PDE1A: variants seen among roughly 807,000 people sequenced by gnomAD.
PDE1A encodes dual specificity calcium/calmodulin-dependent 3',5'-cyclic nucleotide phosphodiesterase 1A.
A neutral mutation model predicts 61.7 loss-of-function variants in PDE1A; 35 were observed. That is an observed-to-expected ratio of 0.57 (90% CI 0.43 to 0.75). PDE1A has a LOEUF of 0.75. Ranked by LOEUF, PDE1A falls within the 30% of genes least tolerant of loss-of-function variation. The probability of loss-of-function intolerance (pLI) is 0.00; values close to 1 mark genes in which losing one functional copy is unlikely to be tolerated. For synonymous variants in PDE1A, 232 were observed against 213.2 expected, an observed-to-expected ratio of 1.09 and a Z score of -0.77; for missense variants, 597 against 630.6, an observed-to-expected ratio of 0.95 and a Z score of 0.57.
intron 7 of PDE1A, among the ~76,000 whole-genome samples, chr2:182,217,851 T>G (rs1474118306): frequency 5.9e-5 from 9 of 151,908 alleles, no homozygotes; most frequent in Middle Eastern, 3.4e-3. Flanking sequence ...CATTGTGGAA[T>G]TCAGTGTGGA....
chr2:182,321,845 T>G (rs772525138), intron 1 of PDE1A, among the ~76,000 whole-genome samples: 2 of 152,118 alleles, frequency 1.3e-5, no homozygotes, highest in African/African-American at 4.8e-5. Context: ...AGCTTCCACG[T>G]AAGATTTTTA....
the PDE1A span, among the ~76,000 whole-genome samples, chr2:182,543,420 A>T: frequency 2.6e-5 from 4 of 152,302 alleles, no homozygotes; most frequent in African/African-American, 9.6e-5. Context: ...GATAAACCAG[A>T]TTACAAGATT....
chr2:182,353,415 G>A (rs377478366), intron 1 of PDE1A, among the ~76,000 whole-genome samples: 5 of 152,064 alleles, frequency 3.3e-5, no homozygotes, highest in Non-Finnish European at 7.4e-5. Context: ...CTATTCTGAG[G>A]TATAAACAAA....
chr2:182,655,701 G>A, the PDE1A span, among the ~76,000 whole-genome samples: 1 of 152,162 alleles, frequency 6.6e-6, no homozygotes, highest in Non-Finnish European at 1.5e-5. Flanking sequence ...GCAAGGAGAG[G>A]ATACTCTCCT....
chr2:182,471,647 T>C (rs1687035403), intron 2 of PDE1A, among the ~76,000 whole-genome samples: 1 of 151,958 alleles, frequency 6.6e-6, no homozygotes, highest in Middle Eastern at 3.4e-3. Context: ...CCTTCTTTTT[T>C]AAGAATTTTT....
At chr2:182,416,302 C>T (rs1044099101) in intron 1 of PDE1A, among the ~76,000 whole-genome samples, 1 of 152,092 alleles carries the variant, frequency 6.6e-6, no homozygotes, top group Admixed American at 6.6e-5. Context: ...CAGGATGAAG[C>T]AAGGGAAAAG....
intron 1 of PDE1A, among the ~76,000 whole-genome samples, chr2:182,272,803 G>A (rs1693128248): frequency 6.6e-6 from 1 of 152,068 alleles, no homozygotes; most frequent in Non-Finnish European, 1.5e-5. Context: ...ATATATGTAT[G>A]AAAAAATACA....
At chr2:182,298,346 CT>C (rs913119620) in intron 1 of PDE1A, among the ~76,000 whole-genome samples, 23 of 152,160 alleles carry the variant, frequency 1.5e-4, no homozygotes, top group African/African-American at 5.6e-4. Context: ...CAAAAAGTCT[CT>C]GTGGCTGTAT....
intron 1 of PDE1A, among the ~76,000 whole-genome samples, chr2:182,305,345 G>T (rs1021150362): frequency 4.0e-5 from 6 of 151,360 alleles, no homozygotes; most frequent in Admixed American, 3.9e-4. Context: ...TCTTTAAAGG[G>T]CCAAATACAG....
chr2:182,433,822 C>T (rs1194827231), intron 2 of PDE1A, among the ~76,000 whole-genome samples: 1 of 152,058 alleles, frequency 6.6e-6, no homozygotes, highest in East Asian at 1.9e-4. Flanking sequence ...CCTGTGCTGG[C>T]ATTTTGTGCC....
chr2:182,593,244 T>A, the PDE1A span, among the ~76,000 whole-genome samples: 1 of 152,316 alleles, frequency 6.6e-6, no homozygotes, highest in East Asian at 1.9e-4. Flanking sequence ...AGGTTAGCTC[T>A]TTTTGACTTC....
intron 10 of PDE1A, among the ~76,000 whole-genome samples, chr2:182,196,998 G>C (rs998359471): frequency 5.9e-5 from 9 of 151,718 alleles, no homozygotes; most frequent in East Asian, 1.9e-4. Flanking sequence ...ATGATATCCA[G>C]TAGTTTTCCA....
At chr2:182,298,493 G>A (rs993758554) in intron 1 of PDE1A, among the ~76,000 whole-genome samples, 4 of 152,140 alleles carry the variant, frequency 2.6e-5, no homozygotes, top group Non-Finnish European at 4.4e-5. Context: ...GTGGGATGGG[G>A]ACAATGCGGG....
At chr2:182,174,839 C>A (rs1311870911) in intron 13 of PDE1A, among the ~76,000 whole-genome samples, 3 of 152,000 alleles carry the variant, frequency 2.0e-5, no homozygotes, top group African/African-American at 7.2e-5. Flanking sequence ...GGGTTTGCTG[C>A]ACCCATCAAC....
Position 182,234,360 on chromosome 2 carries a change from T to C in PDE1A, c.417+72A>G, listed in dbSNP as rs992847900. 6.9e-6 allele frequency: 7 copies of C among 1,009,828 alleles called. No homozygotes were observed. The African/African-American group carries it at 1.1e-4, about 16-fold the overall frequency. The allele number at this position is 1,009,828 out of a possible 1,614,324, so 62.6% of individuals were successfully genotyped here. On this transcript the variant is annotated intron_variant, in intron 4 of 13. Transcript: ENST00000351439. Reference sequence around the variant, plus strand: ...GGCTGCAGTAAAGACCTATTCTCATTTTCTCATAGCCTTTTTAAGAGAATT... The same window carrying C: ...GGCTGCAGTAAAGACCTATTCTCATCTTCTCATAGCCTTTTTAAGAGAATT...
At chr2:182,251,601 A>T (rs1691408719) in intron 2 of PDE1A, among the ~76,000 whole-genome samples, 1 of 152,198 alleles carries the variant, frequency 6.6e-6, no homozygotes, top group African/African-American at 2.4e-5. Flanking sequence ...GATTTCAATG[A>T]CTACTAAGGT....
chr2:182,355,767 T>C (rs1432415975), intron 1 of PDE1A, among the ~76,000 whole-genome samples: 2 of 152,184 alleles, frequency 1.3e-5, no homozygotes, highest in African/African-American at 4.8e-5. Flanking sequence ...AACTCATAAT[T>C]CCAGTTTAGT....
chr2:182,487,276 C>A (rs545007418), intron 2 of PDE1A, among the ~76,000 whole-genome samples: 2 of 152,000 alleles, frequency 1.3e-5, no homozygotes, highest in Admixed American at 1.3e-4. Flanking sequence ...CAGGTGCCAG[C>A]GAGAAAGTGA....
At chr2:182,482,523 A>C (rs1232453372) in intron 2 of PDE1A, among the ~76,000 whole-genome samples, 2 of 151,982 alleles carry the variant, frequency 1.3e-5, no homozygotes, top group African/African-American at 4.8e-5. Context: ...AAAAAAAATG[A>C]AAATAGCTAT....
Sources: gnomAD v4.1 joint callset for allele counts (sites outside exome capture counted in the v4.1 genomes callset) on GRCh38, gnomAD v4.1.1 for gene constraint, MANE v1.5 for transcripts, NCBI Gene and HGNC (gene_info 2026-07-23, HGNC 2026-07-21) for gene names.